The following MAML2 variants were observed in gnomAD, a reference collection of about 807,000 sequenced individuals.
MAML2 encodes the protein mastermind like transcriptional coactivator 2.
In MAML2, 22 loss-of-function variants were observed where a neutral mutation model predicts 96.1. The ratio of observed to expected loss-of-function variants is 0.23; its 90% CI spans 0.16 to 0.33. The LOEUF is 0.33. Ranked by LOEUF, MAML2 falls within the 10% of genes least tolerant of loss-of-function variation. MAML2 has a pLI of 1.00. For missense variants in MAML2, 1,367 were observed against 1,392.4 expected (o/e 0.98, Z 0.29); for synonymous variants, 561 against 521.3 (o/e 1.08, Z -1.04).
intron 2 of MAML2, among the ~76,000 whole-genome samples, chr11:96,045,700 A>AT (rs941965999): frequency 2.8e-4 from 42 of 152,322 alleles, no homozygotes; most frequent in African/African-American, 1.0e-3. Flanking sequence ...TAAAAGGAAT[A>AT]TTTTGTCACT....
chr11:96,123,068 A>G (rs977434038), intron 1 of MAML2, among the ~76,000 whole-genome samples: 2 of 152,208 alleles, frequency 1.3e-5, no homozygotes, highest in Admixed American at 1.3e-4. Context: ...TTTTGTGCAC[A>G]GGACAATCAA....
intron 2 of MAML2, among the ~76,000 whole-genome samples, chr11:96,006,545 G>T: frequency 6.7e-6 from 1 of 149,288 alleles, no homozygotes; most frequent in African/African-American, 2.5e-5. Context: ...AAATAAGATT[G>T]GAGTATCTTT....
At chr11:96,139,446 C>T (rs1192143207) in intron 1 of MAML2, among the ~76,000 whole-genome samples, 1 of 150,534 alleles carries the variant, frequency 6.6e-6, no homozygotes, top group African/African-American at 2.4e-5. Context: ...CACTGCACTC[C>T]AGCCTGGGCG....
chr11:96,243,649 C>A (rs1375810588), intron 1 of MAML2, among the ~76,000 whole-genome samples: 1 of 114,540 alleles, frequency 8.7e-6, no homozygotes, highest in Admixed American at 8.8e-5. Context: ...AGTCATCCTT[C>A]TTTTTCTTTT....
chr11:96,292,624 T>C (rs565997486), intron 1 of MAML2, among the ~76,000 whole-genome samples: 1 of 152,350 alleles, frequency 6.6e-6, no homozygotes, highest in Admixed American at 6.5e-5. Flanking sequence ...AAGTAGAAAG[T>C]TCCTTTTTTA....
At chr11:96,108,748 G>A (rs1055363837) in intron 1 of MAML2, among the ~76,000 whole-genome samples, 8 of 152,106 alleles carry the variant, frequency 5.3e-5, no homozygotes, top group Admixed American at 2.0e-4. Context: ...AAAAGTGTAA[G>A]CAGGCTGGAC....
At chr11:96,200,407 C>T (rs1438420130) in intron 1 of MAML2, among the ~76,000 whole-genome samples, 1 of 152,296 alleles carries the variant, frequency 6.6e-6, no homozygotes, top group Middle Eastern at 3.4e-3. Context: ...ATTCTTCTAA[C>T]AAGCTATTAG....
At chr11:96,195,873 G>A (rs540691085) in intron 1 of MAML2, among the ~76,000 whole-genome samples, 2 of 152,288 alleles carry the variant, frequency 1.3e-5, no homozygotes, top group South Asian at 4.1e-4. Flanking sequence ...CTCTCGTGCT[G>A]ATTTACAGTA....
chr11:96,221,425 C>G (rs1362271558), intron 1 of MAML2, among the ~76,000 whole-genome samples: 1 of 152,158 alleles, frequency 6.6e-6, no homozygotes, highest in Admixed American at 6.5e-5. Context: ...CAGTGTGACC[C>G]ATCTGTTTTG....
intron 1 of MAML2, among the ~76,000 whole-genome samples, chr11:96,200,848 C>T (rs1414934744): frequency 6.6e-6 from 1 of 152,142 alleles, no homozygotes; most frequent in Non-Finnish European, 1.5e-5. Flanking sequence ...ATGGTACCAT[C>T]TCTTAATCAC....
chr11:96,313,350 T>C (rs541215444), intron 1 of MAML2, among the ~76,000 whole-genome samples: 2 of 152,296 alleles, frequency 1.3e-5, no homozygotes, highest in South Asian at 4.1e-4. Flanking sequence ...GACGCCAAGG[T>C]GCAATGTAAG....
At chr11:96,058,311 T>TTTGTTTGG (rs1555002845) in intron 2 of MAML2, among the ~76,000 whole-genome samples, 23 of 127,540 alleles carry the variant, frequency 1.8e-4, no homozygotes, top group African/African-American at 6.4e-4. Context: ...TGTTTGTTTG[T>TTTGTTTGG]TTTGTTTTGC....
intron 2 of MAML2, among the ~76,000 whole-genome samples, chr11:96,019,042 T>C (rs1015606680): frequency 6.6e-6 from 1 of 152,068 alleles, no homozygotes; most frequent in African/African-American, 2.4e-5. Flanking sequence ...TTGGGGATAA[T>C]TTTTTTCAAG....
intron 1 of MAML2, among the ~76,000 whole-genome samples, chr11:96,195,555 CA>C (rs1861716536): frequency 6.6e-6 from 1 of 152,100 alleles, no homozygotes; most frequent in Non-Finnish European, 1.5e-5. Context: ...TCTGTTTCAC[CA>C]AGAAAATATT....
At chr11:96,020,428 G>A (rs1451417497) in intron 2 of MAML2, among the ~76,000 whole-genome samples, 1 of 152,154 alleles carries the variant, frequency 6.6e-6, no homozygotes, top group African/African-American at 2.4e-5. Flanking sequence ...TCTAACTTAT[G>A]GCCAATTTCT....
At chr11:96,308,871 T>C (rs1156389405) in intron 1 of MAML2, among the ~76,000 whole-genome samples, 1 of 152,246 alleles carries the variant, frequency 6.6e-6, no homozygotes, top group Non-Finnish European at 1.5e-5. Flanking sequence ...CAAATATTTA[T>C]TGAATGAATG....
chr11:96,033,156 A>C (rs1175929366), intron 2 of MAML2, among the ~76,000 whole-genome samples: 2 of 152,218 alleles, frequency 1.3e-5, no homozygotes, highest in African/African-American at 4.8e-5. Context: ...GGAATGTGCT[A>C]GTGTAACCTC....
At chr11:96,068,927 T>TC (rs906285864) in intron 2 of MAML2, among the ~76,000 whole-genome samples, 1 of 149,444 alleles carries the variant, frequency 6.7e-6, no homozygotes, top group Non-Finnish European at 1.5e-5. Flanking sequence ...TTTTTTTTTT[T>TC]TTTTTTTTTT....
At chr11:96,311,872 G>T (rs1863546565) in intron 1 of MAML2, among the ~76,000 whole-genome samples, 1 of 152,110 alleles carries the variant, frequency 6.6e-6, no homozygotes, top group South Asian at 2.1e-4. Context: ...TAAGAGCAAA[G>T]ATATCCTTCT....
Sources: gnomAD v4.1 joint callset for allele counts (sites outside exome capture counted in the v4.1 genomes callset) on GRCh38, gnomAD v4.1.1 for gene constraint, MANE v1.5 for transcripts, NCBI Gene and HGNC (gene_info 2026-07-23, HGNC 2026-07-21) for gene names.